RBFOX1: variants seen among roughly 807,000 people sequenced by gnomAD.
RBFOX1 encodes the protein RNA binding protein fox-1 homolog 1.
Under a neutral mutation model 57.7 loss-of-function variants are expected in RBFOX1, and 8 were observed. That is an observed-to-expected ratio of 0.14 (90% CI 0.08 to 0.25). The LOEUF is 0.25. Ranked by LOEUF, RBFOX1 falls within the 10% of genes least tolerant of loss-of-function variation. The probability of loss-of-function intolerance (pLI) is 1.00; values close to 1 mark genes in which losing one functional copy is unlikely to be tolerated. For synonymous variants in RBFOX1, 326 were observed against 222.4 expected (o/e 1.47, Z -4.15); for missense variants, 611 against 548.5 (o/e 1.11, Z -1.14).
chr16:6,989,456 A>G (rs2091026846), intron 3 of RBFOX1, among the ~76,000 whole-genome samples: 2 of 152,140 alleles, frequency 1.3e-5, no homozygotes, highest in Non-Finnish European at 2.9e-5. Context: ...ACATATTGGT[A>G]CCTGTAAGTT....
At chr16:6,962,476 T>G (rs2083230145) in intron 3 of RBFOX1, among the ~76,000 whole-genome samples, 1 of 152,140 alleles carries the variant, frequency 6.6e-6, no homozygotes, top group African/African-American at 2.4e-5. Flanking sequence ...GCAGCCTGGT[T>G]TAATATAGCC....
At chr16:5,810,105 C>G (rs1166096015) in intron 3 of RBFOX1, among the ~76,000 whole-genome samples, 2 of 150,164 alleles carry the variant, frequency 1.3e-5, no homozygotes, top group Admixed American at 6.7e-5. Context: ...TATTCTCACT[C>G]ACAGGTGGGA....
intron 3 of RBFOX1, among the ~76,000 whole-genome samples, chr16:5,792,373 C>T (rs1406840034): frequency 6.6e-6 from 1 of 152,170 alleles, no homozygotes; most frequent in East Asian, 1.9e-4. Flanking sequence ...CACCTTAGCC[C>T]AGTTGAAAAA....
intron 1 of RBFOX1, among the ~76,000 whole-genome samples, chr16:6,193,408 A>AC (rs1386298802): frequency 2.3e-5 from 2 of 88,448 alleles, no homozygotes; most frequent in African/African-American, 3.2e-5. Context: ...ATATATATAT[A>AC]TATATATATA....
At chr16:5,704,595 C>G (rs982712563) in intron 3 of RBFOX1, among the ~76,000 whole-genome samples, 1 of 152,198 alleles carries the variant, frequency 6.6e-6, no homozygotes, top group Non-Finnish European at 1.5e-5. Flanking sequence ...TACCCCTCTT[C>G]CCTCAAGTTA....
intron 4 of RBFOX1, among the ~76,000 whole-genome samples, chr16:7,454,614 G>C (rs80119450): frequency 6.6e-6 from 1 of 152,152 alleles, no homozygotes; most frequent in Admixed American, 6.5e-5. Context: ...AAAGATGTGT[G>C]GTATCAACTC....
At chr16:5,911,085 A>T (rs945056747) in intron 4 of RBFOX1, among the ~76,000 whole-genome samples, 1 of 152,172 alleles carries the variant, frequency 6.6e-6, no homozygotes, top group African/African-American at 2.4e-5. Flanking sequence ...ATCTGCTTCT[A>T]GGGGAACAGA....
intron 3 of RBFOX1, among the ~76,000 whole-genome samples, chr16:6,843,428 C>T (rs1346558040): frequency 2.6e-5 from 4 of 152,146 alleles, no homozygotes; most frequent in South Asian, 2.1e-4. Flanking sequence ...GTGGCTTACA[C>T]CTGTAATCCC....
chr16:6,694,211 A>G (rs550775732), intron 3 of RBFOX1, among the ~76,000 whole-genome samples: 4 of 152,258 alleles, frequency 2.6e-5, no homozygotes, highest in East Asian at 1.9e-4. Flanking sequence ...TCTATTGCAT[A>G]TTGTCAGTAT....
rs563253205 is a variant in RBFOX1, at chr16:6,640,345, A to C, written c.-63-14258A>C. On this transcript the variant is annotated intron_variant, in intron 2 of 15. Coordinates refer to ENST00000550418, the MANE Select transcript of RBFOX1 (RefSeq NM_018723.4). ...TCATAGAGGCCGGGCATAGTGGCTC[A>C]CATCTGTAATCCCAGAACTTGGGGA... Among the ~76,000 whole-genome samples, 4 of 152,246 alleles carry C rather than the reference A, an allele frequency of 2.6e-5. No homozygotes were observed. In the East Asian group the frequency reaches 5.8e-4, roughly 22 times the overall value.
intron 3 of RBFOX1, among the ~76,000 whole-genome samples, chr16:6,801,936 A>C (rs910984129): frequency 1.3e-5 from 2 of 152,126 alleles, no homozygotes; most frequent in Non-Finnish European, 2.9e-5. Context: ...GACCTTCAGT[A>C]AATTTAATCT....
intron 3 of RBFOX1, among the ~76,000 whole-genome samples, chr16:6,833,234 C>T (rs78904676): frequency 1.3e-5 from 2 of 151,790 alleles, no homozygotes; most frequent in African/African-American, 4.8e-5. Flanking sequence ...GGTAAAATCT[C>T]GGCTCATTAC....
intron 1 of RBFOX1, among the ~76,000 whole-genome samples, chr16:6,078,330 A>C (rs894426447): frequency 3.3e-5 from 5 of 152,174 alleles, no homozygotes; most frequent in African/African-American, 4.8e-5. Context: ...CACAGGGTGC[A>C]TGTGGCCCGG....
At chr16:5,888,509 G>A (rs769176598) in intron 4 of RBFOX1, among the ~76,000 whole-genome samples, 2 of 152,092 alleles carry the variant, frequency 1.3e-5, no homozygotes, top group Non-Finnish European at 2.9e-5. Context: ...AAAAATAGTT[G>A]TTGAGGCCGG....
intron 2 of RBFOX1, among the ~76,000 whole-genome samples, chr16:5,488,728 T>C (rs533353461): frequency 6.7e-6 from 1 of 150,018 alleles, no homozygotes; most frequent in East Asian, 2.0e-4. Flanking sequence ...TGGGGTGCGA[T>C]GGTGATGATA....
At chr16:5,635,253 C>G (rs2108990) in intron 3 of RBFOX1, among the ~76,000 whole-genome samples, 84,850 of 152,178 alleles carry the variant, frequency 0.56, 28,625 homozygotes, top group Non-Finnish European at 0.76. Flanking sequence ...TTCTATTGAC[C>G]TCACTGAATA....
At chr16:6,055,590 CAAAAA>C (rs35872547) in intron 1 of RBFOX1, among the ~76,000 whole-genome samples, 2 of 65,578 alleles carry the variant, frequency 3.0e-5, no homozygotes, top group East Asian at 1.1e-3. Context: ...GAGACTCCGT[CAAAAA>C]AAAAAAAAAA....
chr16:6,235,253 G>C (rs2152914790), intron 1 of RBFOX1, among the ~76,000 whole-genome samples: 1 of 152,082 alleles, frequency 6.6e-6, no homozygotes, highest in Middle Eastern at 3.4e-3. Flanking sequence ...TCACATCTCG[G>C]AAGGCCTAAC....
chr16:6,795,932 C>T (rs546437723), intron 3 of RBFOX1, among the ~76,000 whole-genome samples: 1 of 152,000 alleles, frequency 6.6e-6, no homozygotes, highest in South Asian at 2.1e-4. Context: ...TCAGTGAATC[C>T]AAACATTGAG....
Sources: gnomAD v4.1 joint callset for allele counts (sites outside exome capture counted in the v4.1 genomes callset) on GRCh38, gnomAD v4.1.1 for gene constraint, MANE v1.5 for transcripts, NCBI Gene and HGNC (gene_info 2026-07-23, HGNC 2026-07-21) for gene names.